RILPL1: variants seen among roughly 807,000 people sequenced by gnomAD.
RILPL1 encodes Rab interacting lysosomal protein like 1.
RILPL1 carries 33 observed loss-of-function variants against 50.3 expected under a neutral mutation model. The observed-to-expected ratio is 0.66, with a 90% CI of 0.50 to 0.88. The LOEUF (loss-of-function observed/expected upper bound fraction) is 0.88, where lower values mean the gene tolerates loss of function less well. Among genes scored for constraint, RILPL1 ranks in the 40% least tolerant of loss-of-function variants. The pLI is 0.00. For missense variants in RILPL1, 418 were observed against 542.5 expected (o/e 0.77, Z 2.28); for synonymous variants, 205 against 228.6 (o/e 0.90, Z 0.93).
At chr12:123,510,193 G>A (rs1232731851) in intron 2 of RILPL1, among the ~76,000 whole-genome samples, 2 of 152,238 alleles carry the variant, frequency 1.3e-5, no homozygotes, top group South Asian at 2.1e-4. Flanking sequence ...TCCTGCCTCC[G>A]GCTGTGGGTC....
chr12:123,515,720 G>C (rs1205286155), intron 2 of RILPL1, among the ~76,000 whole-genome samples: 3 of 150,104 alleles, frequency 2.0e-5, no homozygotes, highest in East Asian at 4.2e-4. Flanking sequence ...AAAGTGTTGG[G>C]ATTACAGGTG....
chr12:123,490,592 T>C (rs936870596), intron 4 of RILPL1, among the ~76,000 whole-genome samples: 8 of 150,704 alleles, frequency 5.3e-5, no homozygotes, highest in African/African-American at 1.2e-4. Context: ...CTTACTCTCT[T>C]TTTTTTTTAA....
chr12:123,524,622 T>C (rs1355710463), intron 1 of RILPL1, among the ~76,000 whole-genome samples: 1 of 152,174 alleles, frequency 6.6e-6, no homozygotes, highest in Non-Finnish European at 1.5e-5. Flanking sequence ...GCCTGACATA[T>C]GCTACAACAT....
At chr12:123,475,763 G>C in intron 6 of RILPL1, 1 of 1,529,764 alleles carries the variant, frequency 6.5e-7, no homozygotes, top group Non-Finnish European at 8.9e-7. Flanking sequence ...GGTTAGAGAA[G>C]TACAGATAGA....
intron 2 of RILPL1, among the ~76,000 whole-genome samples, chr12:123,506,901 C>T (rs772234492): frequency 2.6e-5 from 4 of 152,140 alleles, no homozygotes; most frequent in Non-Finnish European, 5.9e-5. Flanking sequence ...CTAGTACCTC[C>T]TGGGTCCTGC....
chr12:123,520,871 G>A (rs1381174421), intron 2 of RILPL1, among the ~76,000 whole-genome samples: 2 of 152,270 alleles, frequency 1.3e-5, no homozygotes, highest in South Asian at 2.1e-4. Context: ...GGAACACCAC[G>A]GCGGATCAAT....
At chr12:123,508,873 A>C (rs912983004) in intron 2 of RILPL1, among the ~76,000 whole-genome samples, 3 of 152,062 alleles carry the variant, frequency 2.0e-5, no homozygotes, top group African/African-American at 7.2e-5. Context: ...ATCTCCAAAA[A>C]AAAAAAGTTG....
At chr12:123,514,083 T>C (rs1884549333) in intron 2 of RILPL1, 1 of 152,230 alleles carries the variant, frequency 6.6e-6, no homozygotes, top group Admixed American at 6.5e-5. Context: ...CCGCTAAGAA[T>C]GGATAAGCAC....
At chr12:123,503,186 C>CTTTTTTTTTTTTTTT (rs373514624) in intron 2 of RILPL1, among the ~76,000 whole-genome samples, 3 of 80,742 alleles carry the variant, frequency 3.7e-5, no homozygotes, top group African/African-American at 1.1e-4. Flanking sequence ...CACGCCTGGC[C>CTTTTTTTTTTTTTTT]TTTTTTTTTT....
In RILPL1 at chr12:123,499,422, T is replaced by C. The variant is rs1323693016; in HGVS notation, c.575A>G (p.Glu192Gly). ...GGTCAGGGGTGTGTCACTCACAGCC[T>C]CAACGTCCTCATTTTTCAGGCCCAG... The part of the protein sequence containing the change: ...RELGLKNEDV[E>G]ALQQQQTRLM... The change falls in exon 3 of 7, where the codon GAG becomes GGG. Residue 192 changes from glutamate to glycine, a missense_variant. Glu to Gly is a moderately conservative substitution (Grantham distance 98). Transcript: ENST00000376874. 1.9e-6 allele frequency: 3 copies of C among 1,612,572 alleles called. No homozygotes were observed. Among genetic ancestry groups the C allele is most frequent in the Non-Finnish European group, 2.5e-6 (3 of 1,178,724 alleles).
chr12:123,524,334 G>A (rs946826378), intron 1 of RILPL1, among the ~76,000 whole-genome samples: 1 of 152,222 alleles, frequency 6.6e-6, no homozygotes, highest in African/African-American at 2.4e-5. Context: ...TACACTGCTG[G>A]TGGGAATGGA....
intron 4 of RILPL1, among the ~76,000 whole-genome samples, chr12:123,490,351 A>G (rs543006514): frequency 1.1e-4 from 16 of 152,184 alleles, no homozygotes; most frequent in Middle Eastern, 3.4e-3. Context: ...ACCCAGAAAT[A>G]TTTCCAAGGG....
intron 1 of RILPL1, among the ~76,000 whole-genome samples, chr12:123,531,261 C>T (rs1213424062): frequency 2.6e-5 from 4 of 152,136 alleles, no homozygotes; most frequent in African/African-American, 9.7e-5. Flanking sequence ...CCTGAGCGCA[C>T]GGTGTTCACT....
chr12:123,515,076 G>A (rs1884611302), intron 2 of RILPL1, among the ~76,000 whole-genome samples: 1 of 151,794 alleles, frequency 6.6e-6, no homozygotes, highest in African/African-American at 2.4e-5. Flanking sequence ...GACTACAGGT[G>A]TGCACCACCA....
At chr12:123,521,182 C>T (rs1317159419) in intron 2 of RILPL1, among the ~76,000 whole-genome samples, 6 of 152,030 alleles carry the variant, frequency 3.9e-5, no homozygotes, top group African/African-American at 9.7e-5. Context: ...AGATTCTAAG[C>T]GGTCTGTACA....
chr12:123,487,463 T>A (rs1882420453), intron 4 of RILPL1, among the ~76,000 whole-genome samples: 1 of 152,098 alleles, frequency 6.6e-6, no homozygotes, highest in African/African-American at 2.4e-5. Flanking sequence ...CCCGCCATCA[T>A]GCCCGGGCTA....
chr12:123,492,239 A>G (rs980562273), intron 4 of RILPL1, among the ~76,000 whole-genome samples: 1 of 151,224 alleles, frequency 6.6e-6, no homozygotes, highest in Non-Finnish European at 1.5e-5. Flanking sequence ...AAAAAAATAT[A>G]TATATATACA....
chr12:123,510,118 C>T (rs1342982834), intron 2 of RILPL1, among the ~76,000 whole-genome samples: 1 of 152,214 alleles, frequency 6.6e-6, no homozygotes, highest in African/African-American at 2.4e-5. Flanking sequence ...AGCACAGAAC[C>T]GGCAACCAAG....
chr12:123,475,570 G>T, intron 6 of RILPL1: 1 of 789,196 alleles, frequency 1.3e-6, no homozygotes, highest in Non-Finnish European at 2.1e-6. Flanking sequence ...CAGCTTAAGT[G>T]GCCAGGGGGA....
Sources: gnomAD v4.1 joint callset for allele counts (sites outside exome capture counted in the v4.1 genomes callset) on GRCh38, gnomAD v4.1.1 for gene constraint, MANE v1.5 for transcripts, NCBI Gene and HGNC (gene_info 2026-07-23, HGNC 2026-07-21) for gene names.